ACCS: variants seen among roughly 807,000 people sequenced by gnomAD.
ACCS encodes the protein 1-aminocyclopropane-1-carboxylate synthase homolog (inactive).
A neutral mutation model predicts 59.8 loss-of-function variants in ACCS; 42 were observed. The observed-to-expected ratio is 0.70, with a 90% CI of 0.55 to 0.91. ACCS has a LOEUF of 0.91. Among genes scored for constraint, ACCS ranks in the 40% least tolerant of loss-of-function variants. ACCS has a pLI of 0.00. For missense variants in ACCS, 602 were observed against 630.4 expected, an observed-to-expected ratio of 0.95 and a Z score of 0.48; for synonymous variants, 230 against 240.3, an observed-to-expected ratio of 0.96 and a Z score of 0.40.
At chr11:44,070,304 G>A (rs1481863922) in intron 2 of ACCS, among the ~76,000 whole-genome samples, 1 of 152,092 alleles carries the variant, frequency 6.6e-6, no homozygotes, top group Non-Finnish European at 1.5e-5. Flanking sequence ...GAGGGAAGCT[G>A]TTGTAATAAT....
chr11:44,066,548 C>T lies in ACCS; in HGVS notation c.-154C>T, dbSNP rs1047755418. On this transcript the variant is annotated 5_prime_UTR_variant, in exon 1 of 15. Coordinates refer to ENST00000263776, the MANE Select transcript of ACCS (RefSeq NM_032592.4). Reference sequence around the variant, plus strand: ...CACTTGCGGGATTCCAAGGCCTCATCGAGTGCGGGTATCTGGCTGTGGATT... The same window carrying T: ...CACTTGCGGGATTCCAAGGCCTCATTGAGTGCGGGTATCTGGCTGTGGATT... The T allele has an allele frequency of 2.0e-5, 3 of 152,276 alleles. No homozygotes were observed. The highest frequency in any genetic ancestry group is 6.5e-5 in the Admixed American group (1 of 15,288). The allele number at this position is 152,276 out of a possible 1,614,324, so 9.4% of individuals were successfully genotyped here. A position where few individuals can be genotyped will look rare whatever the true frequency, so the allele number is the denominator to read the frequency against.
At chr11:44,074,895 G>A (rs2134855672) in intron 5 of ACCS, among the ~76,000 whole-genome samples, 1 of 147,298 alleles carries the variant, frequency 6.8e-6, no homozygotes, top group Non-Finnish European at 1.5e-5. Flanking sequence ...TGCCATCTTG[G>A]CTCACTGCAT....
rs1236953879 is a variant in ACCS at position 44,081,249 on chromosome 11, C to T, written c.1040C>T (p.Ala347Val). 1 of 1,614,274 alleles carries T rather than the reference C, an allele frequency of 6.2e-7. No individual in the cohort carries two copies. Among genetic ancestry groups the T allele is most frequent in the South Asian group, 1.1e-5 (1 of 91,086 alleles). Residue 347 changes from alanine (A) to valine (V), a missense_variant, in exon 12 of 15, where the codon GCT (alanine) becomes GTT (valine). Physicochemically the swap from Ala to Val is moderately conservative, Grantham distance 64 (BLOSUM62 0). Coordinates refer to ENST00000263776, the MANE Select transcript of ACCS (RefSeq NM_032592.4). Reference sequence around the variant, plus strand: ...AACCAGGATGTGGCCACTGCCGTGGCTTCCCTCTGCCGCTACCACGGCCTC... The same window carrying T: ...AACCAGGATGTGGCCACTGCCGTGGTTTCCCTCTGCCGCTACCACGGCCTC... ...TENQDVATAV[A>V]SLCRYHGLSG...
intron 6 of ACCS, among the ~76,000 whole-genome samples, chr11:44,077,008 T>C (rs186080439): frequency 1.3e-5 from 2 of 152,274 alleles, no homozygotes; most frequent in African/African-American, 4.8e-5. Context: ...CGTTACTCAA[T>C]TACTTCCCTC....
Position 44,081,307 on chromosome 11 carries a change from G to A in ACCS, c.1098G>A (p.Leu366=). 1 of 1,614,002 alleles carries A rather than the reference G, an allele frequency of 6.2e-7. No individual in the cohort carries two copies. Among genetic ancestry groups the A allele is most frequent in the Non-Finnish European group, 8.5e-7 (1 of 1,179,890 alleles). ...SGLVQYQMAQ[L]LRDRDWINQV... is the part of the protein sequence containing the mutation. ...TGGTCCAGTACCAGATGGCACAGCT[G>A]CTCCGGGACCGTGGTGACTGCCTGG... The change falls in exon 12 of 15, where the codon CTG becomes CTA. Residue 366 remains leucine, a synonymous_variant. Transcript: ENST00000263776.
chr11:44,079,550 G>C lies in ACCS; in HGVS notation c.853G>C (p.Val285Leu). Reference sequence around the variant, plus strand: ...CTCCAGGCACAGGCTGCATGTGATTGTGGATGAGGTCTACATGCTGTCCGT... The same window carrying C: ...CTCCAGGCACAGGCTGCATGTGATTCTGGATGAGGTCTACATGCTGTCCGT... Reference protein sequence around the residue: ...FAKRHRLHVIVDEVYMLSVFE... With the variant: ...FAKRHRLHVILDEVYMLSVFE... The change falls in exon 10 of 15, where the codon GTG (valine) becomes CTG (leucine). Residue 285 changes from valine to leucine, a missense_variant. Physicochemically the swap from Val to Leu is conservative, Grantham distance 32. Transcript: ENST00000263776. The C allele has an allele frequency of 6.2e-7, 1 of 1,611,660 alleles. No individual in the cohort carries two copies. Among genetic ancestry groups the C allele is most frequent in the Non-Finnish European group, 8.5e-7 (1 of 1,179,378 alleles).
At chr11:44,078,616 C>T in intron 8 of ACCS, 68 bp from the exon 9 acceptor site, 1 of 1,425,108 alleles carries the variant, frequency 7.0e-7, no homozygotes, top group Non-Finnish European at 9.9e-7. Context: ...GCGATCAGCC[C>T]CCTTTGACTG....
intron 3 of ACCS, chr11:44,071,706 T>C (rs1953058478): frequency 5.7e-6 from 1 of 175,076 alleles, no homozygotes; most frequent in Non-Finnish European, 1.2e-5. Flanking sequence ...TTCAAGCTCC[T>C]TATGTGATAT....
Position 44,083,786 on chromosome 11 carries a change from C to T in ACCS, c.1500C>T (p.Arg500=). The change falls in exon 15 of 15, where the codon CGC becomes CGT. Residue 500 remains arginine (R), a synonymous_variant. Transcript: ENST00000263776. The stretch of plus-strand genomic sequence containing the variant: ...AGAGCCAGGAGCCAAGTGACCAACG[C>T]AGGTGAGCTGGTCATTGTCTCGTGG... ...PSQSQEPSDQ[R]R 1 of 1,609,922 alleles carries T rather than the reference C, an allele frequency of 6.2e-7. No individual in the cohort carries two copies. The highest frequency in any genetic ancestry group is 8.5e-7 in the Non-Finnish European group (1 of 1,178,076).
At chr11:44,072,093 A>G (rs1012267792) in intron 3 of ACCS, 1 of 152,200 alleles carries the variant, frequency 6.6e-6, no homozygotes, top group African/African-American at 2.4e-5. Flanking sequence ...CCAAAGGAAC[A>G]TATTTCCAAA....
chr11:44,081,291 A>G lies in ACCS; in HGVS notation c.1082A>G (p.Tyr361Cys), dbSNP rs1565183806. The G allele has an allele frequency of 6.2e-7, 1 of 1,614,212 alleles. No homozygotes were observed. The highest frequency in any genetic ancestry group is 8.5e-7 in the Non-Finnish European group (1 of 1,180,034). ...RYHGLSGLVQ[Y>C]QMAQLLRDRD... ...CACGGCCTCAGTGGCTTGGTCCAGTACCAGATGGCACAGCTGCTCCGGGAC... is the reference window on the plus strand; with the variant it reads ...CACGGCCTCAGTGGCTTGGTCCAGTGCCAGATGGCACAGCTGCTCCGGGAC... Residue 361 changes from tyrosine to cysteine, a missense_variant, in exon 12 of 15, where the codon TAC becomes TGC. Tyr to Cys is a radical substitution (Grantham distance 194). Coordinates refer to ENST00000263776, the MANE Select transcript of ACCS (RefSeq NM_032592.4).
At position 44,073,433 on chromosome 11, in the gene ACCS, C is replaced by T; in HGVS notation, c.349-14C>T. On this transcript the variant is annotated splice_polypyrimidine_tract_variant and intron_variant, in intron 3 of 14. Transcript: ENST00000263776. ...TGCTGGCCCTCAGCCGTGCTCTTCCCTCTCTGTCCCCAGCTGAGTCAGCGC... is the reference window on the plus strand; with the variant it reads ...TGCTGGCCCTCAGCCGTGCTCTTCCTTCTCTGTCCCCAGCTGAGTCAGCGC... 1.2e-6 allele frequency: 2 copies of T among 1,604,508 alleles called. No individual in the cohort carries two copies. Among genetic ancestry groups the T allele is most frequent in the Non-Finnish European group, 1.7e-6 (2 of 1,176,148 alleles).
At position 44,066,688 on chromosome 11, in the gene ACCS, C is replaced by T. The variant is rs1456222973; in HGVS notation, c.-14C>T. On this transcript the variant is annotated 5_prime_UTR_variant, in exon 1 of 15. Coordinates refer to ENST00000263776, the MANE Select transcript of ACCS (RefSeq NM_032592.4). ...CTGCCCTTCCTCGGACCTGGGCTGTCGGGAGAGCTGGAGGTGAGCGCTCTT... is the reference window on the plus strand; with the variant it reads ...CTGCCCTTCCTCGGACCTGGGCTGTTGGGAGAGCTGGAGGTGAGCGCTCTT... The T allele has an allele frequency of 2.0e-5, 3 of 152,274 alleles. No individual in the cohort carries two copies. The highest frequency in any genetic ancestry group is 4.4e-5 in the Non-Finnish European group (3 of 68,116). The allele number at this position is 152,274 out of a possible 1,614,324, so 9.4% of individuals were successfully genotyped here. A position where few individuals can be genotyped will look rare whatever the true frequency, so the allele number is the denominator to read the frequency against.
rs984862922 is a variant in ACCS at position 44,080,837 on chromosome 11, C to T, written c.924-183C>T. 2.0e-5 allele frequency: 13 copies of T among 663,180 alleles called. No individual in the cohort carries two copies. The African/African-American group carries it at 2.2e-4, about 11-fold the overall frequency. 41.1% of individuals were successfully genotyped at this position (663,180 alleles called of 1,614,324 possible). On this transcript the variant is annotated intron_variant, in intron 10 of 14. Coordinates refer to ENST00000263776, the MANE Select transcript of ACCS (RefSeq NM_032592.4). ...CAGCAGGCTATGTTTGGCCCGCGGG[C>T]TGTCATTTGCTAACCCCTGCTCTAA...
intron 12 of ACCS, among the ~76,000 whole-genome samples, chr11:44,081,563 T>C (rs993589210): frequency 2.0e-5 from 3 of 152,272 alleles, no homozygotes; most frequent in African/African-American, 7.2e-5. Flanking sequence ...ATCATAATGG[T>C]ACCTGTCCTG....
chr11:44,066,390 G>C lies in ACCS; in HGVS notation c.-312G>C, dbSNP rs999362713. 1.3e-5 allele frequency: 2 copies of C among 152,254 alleles called. No homozygotes were observed. Among genetic ancestry groups the C allele is most frequent in the African/African-American group, 4.8e-5 (2 of 41,462 alleles). 9.4% of individuals were successfully genotyped at this position (152,254 alleles called of 1,614,324 possible). On this transcript the variant is annotated 5_prime_UTR_variant, in exon 1 of 15. Transcript: ENST00000263776. The stretch of plus-strand genomic sequence containing the variant: ...GCCTCCCTCTGTGCACTTTGCAAAA[G>C]CCTCTGCCCTTCCATCTCGAATCCC...
chr11:44,076,937 C>G (rs1953390300), intron 6 of ACCS, among the ~76,000 whole-genome samples: 1 of 152,130 alleles, frequency 6.6e-6, no homozygotes, highest in Non-Finnish European at 1.5e-5. Context: ...CTCTGTAAAA[C>G]CATCAGATCT....
Position 44,067,746 on chromosome 11 carries a change from T to G in ACCS, c.119T>G (p.Leu40Arg). Residue 40 changes from leucine (L) to arginine (R), a missense_variant, in exon 2 of 15, where the codon CTG becomes CGG. By Grantham distance (102) the Leu-to-Arg change is moderately radical. Transcript: ENST00000263776. The part of the protein sequence containing the change: ...EDLEGECSRK[L>R]DQKLPELRGV... ...CTGGAAGGAGAATGCTCCAGAAAAC[T>G]GGACCAGAAGCTGCCAGAGCTCCGT... 9.9e-6 allele frequency: 16 copies of G among 1,614,230 alleles called. No individual in the cohort carries two copies. Among genetic ancestry groups the G allele is most frequent in the Non-Finnish European group, 1.4e-5 (16 of 1,180,046 alleles).
chr11:44,079,255 C>A (rs778094929), intron 9 of ACCS: 2 of 447,748 alleles, frequency 4.5e-6, no homozygotes, highest in African/African-American at 3.9e-5. Flanking sequence ...CTCTCCGACT[C>A]GAGCCCTTGT....
Sources: allele counts gnomAD v4.1 joint callset (sites outside exome capture counted in the v4.1 genomes callset), GRCh38; gene constraint gnomAD v4.1.1; transcripts MANE v1.5; gene names NCBI Gene and HGNC (gene_info 2026-07-23, HGNC 2026-07-21).